GRM7: variants seen among roughly 807,000 people sequenced by gnomAD.
GRM7 encodes the protein glutamate metabotropic receptor 7, also known as metabotropic glutamate receptor 7.
A neutral mutation model predicts 84.5 loss-of-function variants in GRM7; 35 were observed. The ratio of observed to expected loss-of-function variants is 0.41; its 90% CI spans 0.32 to 0.55. GRM7 has a LOEUF of 0.55. Among genes scored for constraint, GRM7 ranks in the 20% least tolerant of loss-of-function variants. The pLI is 0.19. For synonymous variants in GRM7, 487 were observed against 455.1 expected, an observed-to-expected ratio of 1.07 and a Z score of -0.89; for missense variants, 1,003 against 1,194.6, an observed-to-expected ratio of 0.84 and a Z score of 2.36.
Position 6,862,002 on chromosome 3 carries a change from C to T in GRM7, c.519+95C>T. On this transcript the variant is annotated intron_variant, in intron 1 of 9. Transcript: ENST00000357716. The surrounding 1 kb of genome is among the most constrained non-coding windows in gnomAD (Gnocchi z 5.2). ...TGGACTCCGGTGGTGCGGGTCAGGT[C>T]AGCCTTCGCTCATTTCCTCCCTGGA... 1 of 1,036,636 alleles carries T rather than the reference C, an allele frequency of 9.6e-7. No homozygotes were observed. The highest frequency in any genetic ancestry group is 1.4e-6 in the Non-Finnish European group (1 of 712,272). 64.2% of individuals were successfully genotyped at this position (1,036,636 alleles called of 1,614,324 possible). A position where few individuals can be genotyped will look rare whatever the true frequency, so the allele number is the denominator to read the frequency against.
intron 3 of GRM7, among the ~76,000 whole-genome samples, chr3:7,301,644 T>A (rs1189811571): frequency 6.7e-6 from 1 of 148,510 alleles, no homozygotes; most frequent in Non-Finnish European, 1.5e-5. Flanking sequence ...ATTCAATAAT[T>A]ATACCCATTC....
rs142261250 is a variant in GRM7 at position 7,371,490 on chromosome 3, A to G, written c.1034-43533A>G. Reference sequence around the variant, plus strand: ...AAGCATGAGGATGAAAAAAGGCAACAAAATGGAGGTTGGTTAATCTAGATG... The same window carrying G: ...AAGCATGAGGATGAAAAAAGGCAACGAAATGGAGGTTGGTTAATCTAGATG... On this transcript the variant is annotated intron_variant, in intron 4 of 9. Coordinates refer to ENST00000357716, the MANE Select transcript of GRM7 (RefSeq NM_000844.4). Among the ~76,000 whole-genome samples, 1,366 of 152,322 alleles carry G rather than the reference A, an allele frequency of 9.0e-3. 19 individuals are homozygous for G. The highest frequency in any genetic ancestry group is 0.031 in the African/African-American group (1,291 of 41,570).
chr3:7,113,826 G>A (rs1426438467), intron 1 of GRM7, among the ~76,000 whole-genome samples: 1 of 152,098 alleles, frequency 6.6e-6, no homozygotes, highest in African/African-American at 2.4e-5. Flanking sequence ...TATGGCCGAA[G>A]TGAAAATAGC....
intron 4 of GRM7, among the ~76,000 whole-genome samples, chr3:7,359,403 C>T (rs1380060684): frequency 3.8e-5 from 5 of 131,128 alleles, no homozygotes; most frequent in South Asian, 2.4e-4. Flanking sequence ...GGCACAATTT[C>T]GGCTCACTGC....
intron 1 of GRM7, among the ~76,000 whole-genome samples, chr3:6,972,844 C>T (rs921138599): frequency 2.0e-5 from 3 of 152,204 alleles, no homozygotes; most frequent in African/African-American, 7.2e-5. Context: ...CTAGGGCTAA[C>T]AGCTGAGGCC....
At chr3:7,447,642 G>T (rs712790) in intron 5 of GRM7, among the ~76,000 whole-genome samples, 7 of 151,856 alleles carry the variant, frequency 4.6e-5, no homozygotes, top group Admixed American at 6.6e-5. Flanking sequence ...TGCGTGGGCC[G>T]GGTGTGGTGT....
At chr3:6,941,287 C>T (rs1169950253) in intron 1 of GRM7, among the ~76,000 whole-genome samples, 1 of 152,182 alleles carries the variant, frequency 6.6e-6, no homozygotes, top group African/African-American at 2.4e-5. Flanking sequence ...TAAAGTAATA[C>T]CAAAATGGCA....
chr3:7,016,007 A>T (rs1695551440), intron 1 of GRM7, among the ~76,000 whole-genome samples: 1 of 152,222 alleles, frequency 6.6e-6, no homozygotes, highest in Non-Finnish European at 1.5e-5. Context: ...AAAACACCAC[A>T]GGTAATAATT....
chr3:7,643,088 C>T (rs1031594055), intron 8 of GRM7, among the ~76,000 whole-genome samples: 7 of 152,078 alleles, frequency 4.6e-5, no homozygotes, highest in African/African-American at 1.7e-4. Context: ...ACATCACGTG[C>T]TGGGTGATTG....
rs374524969 is a variant in GRM7 at position 7,730,409 on chromosome 3, T to A, written c.2699-9948T>A. On this transcript the variant is annotated intron_variant, in intron 9 of 9. Transcript: ENST00000357716. Reference sequence around the variant, plus strand: ...GAACCTGCACAGTAACATGGCTACATCCCTATTGCCTAAAACAGTATCTGA... The same window carrying A: ...GAACCTGCACAGTAACATGGCTACAACCCTATTGCCTAAAACAGTATCTGA... 6.6e-5 allele frequency among the ~76,000 whole-genome samples: 10 copies of A among 152,328 alleles called. No homozygotes were observed. The East Asian group carries it at 1.9e-3, about 29-fold the overall frequency.
intron 4 of GRM7, among the ~76,000 whole-genome samples, chr3:7,411,703 C>T (rs1041287989): frequency 3.3e-5 from 5 of 152,014 alleles, no homozygotes; most frequent in African/African-American, 1.2e-4. Flanking sequence ...CTGTGTATTT[C>T]ATAGGCATTT....
intron 1 of GRM7, among the ~76,000 whole-genome samples, chr3:7,049,751 A>T (rs955291943): frequency 6.6e-6 from 1 of 152,010 alleles, no homozygotes; most frequent in East Asian, 1.9e-4. Context: ...TTCAGAATGT[A>T]TTTGAGCTGA....
At chr3:7,003,944 A>T (rs1041840894) in intron 1 of GRM7, among the ~76,000 whole-genome samples, 4 of 152,156 alleles carry the variant, frequency 2.6e-5, no homozygotes, top group Non-Finnish European at 5.9e-5. Flanking sequence ...TACTTCCTAC[A>T]TGATGCACTC....
intron 1 of GRM7, among the ~76,000 whole-genome samples, chr3:6,874,302 A>G (rs1314936319): frequency 6.6e-6 from 1 of 152,188 alleles, no homozygotes; most frequent in East Asian, 1.9e-4. Flanking sequence ...TAAATTGCAC[A>G]TGATCTTTGG....
chr3:7,020,765 A>T (rs556160384), intron 1 of GRM7, among the ~76,000 whole-genome samples: 2 of 152,242 alleles, frequency 1.3e-5, no homozygotes, highest in African/African-American at 2.4e-5. Flanking sequence ...TATTTATCAA[A>T]TTTTTTTAGA....
chr3:7,142,323 A>T (rs538386754), intron 1 of GRM7, among the ~76,000 whole-genome samples: 1 of 152,238 alleles, frequency 6.6e-6, no homozygotes, highest in East Asian at 1.9e-4. Flanking sequence ...ACTGCTTGAG[A>T]CTGGGTAACT....
intron 1 of GRM7, among the ~76,000 whole-genome samples, chr3:7,048,177 G>T (rs1696868732): frequency 6.6e-6 from 1 of 151,950 alleles, no homozygotes; most frequent in African/African-American, 2.4e-5. Context: ...TAGGAGATAA[G>T]CAAAGTAACA....
intron 1 of GRM7, among the ~76,000 whole-genome samples, chr3:7,008,668 C>T (rs1299484042): frequency 1.3e-5 from 2 of 152,194 alleles, no homozygotes; most frequent in African/African-American, 2.4e-5. Context: ...AAGTTTATAT[C>T]TACAATTCCA....
intron 5 of GRM7, among the ~76,000 whole-genome samples, chr3:7,434,257 G>A (rs1459288749): frequency 6.6e-6 from 1 of 152,124 alleles, no homozygotes; most frequent in Non-Finnish European, 1.5e-5. Context: ...CACATCATCT[G>A]ACACAGTGCT....
Sources: gnomAD v4.1 joint callset for allele counts (sites outside exome capture counted in the v4.1 genomes callset) on GRCh38, gnomAD v4.1.1 for gene constraint, Gnocchi (gnomAD v3.1) non-coding constraint, MANE v1.5 for transcripts, NCBI Gene and HGNC (gene_info 2026-07-23, HGNC 2026-07-21) for gene names.